ACOT7: variants seen among roughly 807,000 people sequenced by gnomAD.
ACOT7 encodes the protein cytosolic acyl coenzyme A thioester hydrolase.
A neutral mutation model predicts 40.2 loss-of-function variants in ACOT7; 12 were observed. The ratio of observed to expected loss-of-function variants is 0.30; its 90% confidence interval spans 0.19 to 0.48. The LOEUF is 0.48. Among genes scored for constraint, ACOT7 ranks in the 20% least tolerant of loss-of-function variants. The pLI is 0.99. For missense variants in ACOT7, 395 were observed against 530.8 expected, an observed-to-expected ratio of 0.74 and a Z score of 2.51; for synonymous variants, 228 against 219.5, an observed-to-expected ratio of 1.04 and a Z score of -0.34.
intron 6 of ACOT7, among the ~76,000 whole-genome samples, chr1:6,312,272 C>T (rs1640358657): frequency 6.6e-6 from 1 of 152,064 alleles, no homozygotes; most frequent in Admixed American, 6.5e-5. Flanking sequence ...CCCTACTATT[C>T]GACAGCACAA....
At chr1:6,321,355 T>C (rs577913337) in intron 5 of ACOT7, among the ~76,000 whole-genome samples, 1 of 152,350 alleles carries the variant, frequency 6.6e-6, no homozygotes, top group Admixed American at 6.5e-5. Flanking sequence ...GTCAGTTCCA[T>C]GTGACAGGAA....
chr1:6,348,132 C>T (rs1241880257), intron 2 of ACOT7, among the ~76,000 whole-genome samples: 2 of 152,042 alleles, frequency 1.3e-5, no homozygotes, highest in Non-Finnish European at 2.9e-5. Flanking sequence ...GCTCTCTGAA[C>T]GTGACTGAGC....
intron 1 of ACOT7, among the ~76,000 whole-genome samples, chr1:6,361,283 T>A (rs544649718): frequency 6.6e-6 from 1 of 151,940 alleles, no homozygotes; most frequent in Non-Finnish European, 1.5e-5. Context: ...AACAGGCAGA[T>A]CTACAGAAAC....
chr1:6,376,588 G>A (rs566998771), intron 1 of ACOT7, among the ~76,000 whole-genome samples: 2 of 151,972 alleles, frequency 1.3e-5, no homozygotes, highest in Admixed American at 6.6e-5. Context: ...TTAGCATGGC[G>A]TGGTGCCATG....
intron 7 of ACOT7, among the ~76,000 whole-genome samples, chr1:6,283,077 C>A (rs1475378176): frequency 6.6e-6 from 1 of 152,152 alleles, no homozygotes; most frequent in Non-Finnish European, 1.5e-5. Context: ...GTGTCACACA[C>A]GGGGGCCACC....
Position 6,299,876 on chromosome 1 carries a change from CA to C in ACOT7, c.713-4897del, listed in dbSNP as rs751047002. On this transcript the variant is annotated intron_variant, in intron 6 of 8. Coordinates refer to ENST00000361521, the MANE Select transcript of ACOT7 (RefSeq NM_007274.4). The surrounding 1 kb of genome is among the most constrained non-coding windows in gnomAD (Gnocchi z 4.1). ...CCACGGAATTCCACGGCATTTCCCA[CA>C]GACCAACTCTAAATACTGCCCTGGG... is the stretch of plus-strand genomic sequence containing the variant. Among the ~76,000 whole-genome samples, 38 of 152,320 alleles carry C rather than the reference CA, an allele frequency of 2.5e-4. No individual in the cohort carries two copies. The highest frequency in any genetic ancestry group is 4.8e-4 in the Non-Finnish European group (33 of 68,042).
chr1:6,305,357 C>T lies in ACOT7; in HGVS notation c.713-10377G>A, dbSNP rs541692305. ...GGCGCCCCTCACCTCCCGGAAGGGGCGGCTGGCCGGGCGGGGGGCTGACCC... is the reference window on the plus strand; with the variant it reads ...GGCGCCCCTCACCTCCCGGAAGGGGTGGCTGGCCGGGCGGGGGGCTGACCC... On this transcript the variant is annotated intron_variant, in intron 6 of 8. Coordinates refer to ENST00000361521, the MANE Select transcript of ACOT7 (RefSeq NM_007274.4). Among the ~76,000 whole-genome samples, 1,144 of 144,778 alleles carry T rather than the reference C, an allele frequency of 7.9e-3. 6 individuals are homozygous for T. The highest frequency in any genetic ancestry group is 0.014 in the Non-Finnish European group (929 of 66,066). 95.0% of individuals were successfully genotyped at this position (144,778 alleles called of 152,430 possible).
In ACOT7 at chr1:6,356,406, C is replaced by A. The variant is rs116119613; in HGVS notation, c.144-6540G>T. 6.4e-3 allele frequency among the ~76,000 whole-genome samples: 974 copies of A among 152,146 alleles called. 12 individuals are homozygous for A. The highest frequency in any genetic ancestry group is 0.022 in the African/African-American group (917 of 41,520). ...GCGGCAGCACCCTCAGCACCCTCAG[C>A]CCTGCCCAGCACCCTCAGCCCAGCT... On this transcript the variant is annotated intron_variant, in intron 1 of 8. Transcript: ENST00000361521.
At chr1:6,378,749 G>A (rs1642281696) in intron 1 of ACOT7, among the ~76,000 whole-genome samples, 1 of 151,914 alleles carries the variant, frequency 6.6e-6, no homozygotes, top group Non-Finnish European at 1.5e-5. Flanking sequence ...AACATTTAGG[G>A]GGAGGAGGAG....
In ACOT7 at chr1:6,393,644, G is replaced by T; in HGVS notation, c.-245C>A. On this transcript the variant is annotated 5_prime_UTR_variant, in exon 1 of 9. Transcript: ENST00000361521. Reference sequence around the variant, plus strand: ...GTTGGGCCGCGCCGGTGCGGGGAAGGCCCGCTAGCCGCGGCAGCCGCGCCC... The same window carrying T: ...GTTGGGCCGCGCCGGTGCGGGGAAGTCCCGCTAGCCGCGGCAGCCGCGCCC... 1 of 288,962 alleles carries T rather than the reference G, an allele frequency of 3.5e-6. No individual in the cohort carries two copies. The highest frequency in any genetic ancestry group is 6.3e-6 in the Non-Finnish European group (1 of 159,422). The allele number at this position is 288,962 out of a possible 1,614,324, so 17.9% of individuals were successfully genotyped here.
At chr1:6,376,165 G>C (rs995126512) in intron 1 of ACOT7, among the ~76,000 whole-genome samples, 2 of 152,112 alleles carry the variant, frequency 1.3e-5, no homozygotes, top group Non-Finnish European at 2.9e-5. Context: ...TGAGGCAGGA[G>C]AATCACTTGA....
Position 6,306,301 on chromosome 1 carries a change from G to GC in ACOT7, c.713-11322dup, listed in dbSNP as rs1640155940. ...TCCATATTTCTGGAAAGGGGTCAGT[G>GC]CCCCATGATTTGAGAGGGATGACGT... On this transcript the variant is annotated intron_variant, in intron 6 of 8. Transcript: ENST00000361521. This position sits in a 1 kb window ranked among gnomAD's most constrained non-coding sequence, Gnocchi z 4.3. 5 of 985,204 alleles carry GC rather than the reference G, an allele frequency of 5.1e-6. No individual in the cohort carries two copies. The African/African-American group carries it at 5.2e-5, about 10-fold the overall frequency. The allele number at this position is 985,204 out of a possible 1,614,324, so 61.0% of individuals were successfully genotyped here. A position where few individuals can be genotyped will look rare whatever the true frequency, so the allele number is the denominator to read the frequency against.
intron 1 of ACOT7, among the ~76,000 whole-genome samples, chr1:6,372,770 G>A (rs1277219411): frequency 2.0e-5 from 3 of 151,962 alleles, no homozygotes; most frequent in South Asian, 2.1e-4. Flanking sequence ...GGCTGGTCTC[G>A]AACTCCTGGC....
At chr1:6,304,343 G>A (rs1026613058) in intron 6 of ACOT7, among the ~76,000 whole-genome samples, 70 of 136,820 alleles carry the variant, frequency 5.1e-4, no homozygotes, top group South Asian at 4.5e-3. Flanking sequence ...AGAAAGAAAA[G>A]AAAAGAAAAA....
At chr1:6,310,337 CT>C (rs1640295892) in intron 6 of ACOT7, among the ~76,000 whole-genome samples, 2 of 152,238 alleles carry the variant, frequency 1.3e-5, no homozygotes, top group Admixed American at 6.5e-5. Context: ...GGTCCTCCCC[CT>C]GATGTGCGCA....
chr1:6,343,862 C>T (rs1461117569), intron 2 of ACOT7, among the ~76,000 whole-genome samples: 1 of 152,250 alleles, frequency 6.6e-6, no homozygotes, highest in East Asian at 1.9e-4. Flanking sequence ...CCCTGCTCTG[C>T]AGCTGGTTTC....
rs1340298102 is a variant in ACOT7 at position 6,282,325 on chromosome 1, C to T, written c.830-1039G>A. Among the ~76,000 whole-genome samples, 2 of 152,154 alleles carry T rather than the reference C, an allele frequency of 1.3e-5. No individual in the cohort carries two copies. Among genetic ancestry groups the T allele is most frequent in the South Asian group, 2.1e-4 (1 of 4,824 alleles). ...CAAGCCAAGAGCTGACCTGGGGCCC[C>T]GGGAAGGTGTCACCATCGATGTCAC... is the stretch of plus-strand genomic sequence containing the variant. On this transcript the variant is annotated intron_variant, in intron 7 of 8. Coordinates refer to ENST00000361521, the MANE Select transcript of ACOT7 (RefSeq NM_007274.4). This position sits in a 1 kb window ranked among gnomAD's most constrained non-coding sequence, Gnocchi z 4.5.
chr1:6,368,810 G>T (rs1369075346), intron 1 of ACOT7, among the ~76,000 whole-genome samples: 1 of 151,482 alleles, frequency 6.6e-6, no homozygotes, highest in Non-Finnish European at 1.5e-5. Context: ...ACCCACTGCT[G>T]CCACTGCTGC....
chr1:6,268,767 C>T (rs538798574), intron 8 of ACOT7, among the ~76,000 whole-genome samples: 26 of 152,374 alleles, frequency 1.7e-4, no homozygotes, highest in Non-Finnish European at 3.1e-4. Context: ...GCCAGCCACA[C>T]GCAGCAGTGG....
Sources: allele counts gnomAD v4.1 joint callset (sites outside exome capture counted in the v4.1 genomes callset), GRCh38; gene constraint gnomAD v4.1.1; non-coding constraint Gnocchi (gnomAD v3.1); transcripts MANE v1.5; gene names NCBI Gene and HGNC (gene_info 2026-07-23, HGNC 2026-07-21).